UPF2: variants seen among roughly 807,000 people sequenced by gnomAD.
UPF2 encodes the protein UPF2 regulator of nonsense mediated mRNA decay, also known as regulator of nonsense transcripts 2.
UPF2 carries 17 observed loss-of-function variants against 141.4 expected under a neutral mutation model. The ratio of observed to expected loss-of-function variants is 0.12; its 90% CI spans 0.08 to 0.18. The LOEUF (loss-of-function observed/expected upper bound fraction) is 0.18. Ranked by LOEUF, UPF2 falls within the 10% of genes least tolerant of loss-of-function variation. The probability of loss-of-function intolerance (pLI) is 1.00; values close to 1 mark genes in which losing one functional copy is unlikely to be tolerated. For missense variants in UPF2, 1,152 were observed against 1,515.9 expected (o/e 0.76, Z 3.99); for synonymous variants, 540 against 498.0 (o/e 1.08, Z -1.12).
intron 9 of UPF2, among the ~76,000 whole-genome samples, chr10:11,971,673 A>G (rs1023142079): frequency 2.0e-5 from 3 of 152,376 alleles, no homozygotes; most frequent in African/African-American, 7.2e-5. Context: ...GATTTTACTT[A>G]TATAATCAAT....
chr10:12,004,466 C>A, intron 5 of UPF2, 64 bp downstream of exon 5: 1 of 1,298,992 alleles, frequency 7.7e-7, no homozygotes, highest in Non-Finnish European at 1.0e-6. Flanking sequence ...TTTTTTTTTA[C>A]AAATACTATT....
chr10:11,952,291 T>C, intron 14 of UPF2, 42 bp from the exon 15 acceptor site: 2 of 1,488,572 alleles, frequency 1.3e-6, no homozygotes, highest in Non-Finnish European at 1.8e-6. Flanking sequence ...AAGAAATTAG[T>C]AACAAAATAT....
chr10:11,947,326 A>G (rs1833013326), intron 16 of UPF2, among the ~76,000 whole-genome samples: 1 of 152,188 alleles, frequency 6.6e-6, no homozygotes, highest in South Asian at 2.1e-4. Flanking sequence ...ATAGATACAA[A>G]AAGGGTGTAT....
intron 3 of UPF2, among the ~76,000 whole-genome samples, chr10:12,026,933 G>T (rs529736122): frequency 6.6e-6 from 1 of 152,158 alleles, no homozygotes; most frequent in Admixed American, 6.5e-5. Context: ...GATTACAGGT[G>T]TGAGCCACCA....
At chr10:12,023,015 A>G (rs1238663892) in intron 3 of UPF2, among the ~76,000 whole-genome samples, 9 of 152,182 alleles carry the variant, frequency 5.9e-5, no homozygotes, top group Admixed American at 1.3e-4. Flanking sequence ...TCCACCAATT[A>G]GGGAGAAAAA....
At position 12,014,228 on chromosome 10, in the gene UPF2, G is replaced by A; in HGVS notation, c.1146-44C>T. The A allele has an allele frequency of 7.5e-7, 1 of 1,329,040 alleles. No individual in the cohort carries two copies. The highest frequency in any genetic ancestry group is 2.7e-5 in the South Asian group (1 of 37,562). 82.3% of individuals were successfully genotyped at this position (1,329,040 alleles called of 1,614,324 possible). A position where few individuals can be genotyped will look rare whatever the true frequency, so the allele number is the denominator to read the frequency against. ...ATCTGACAGTCTTATCAAAATAGATGTGATCACAAATTGTTATATATGGGA... is the reference window on the plus strand; with the variant it reads ...ATCTGACAGTCTTATCAAAATAGATATGATCACAAATTGTTATATATGGGA... On this transcript the variant is annotated intron_variant, in intron 3 of 21. Coordinates refer to ENST00000357604, the MANE Select transcript of UPF2 (RefSeq NM_015542.4). This position sits in a 1 kb window ranked among gnomAD's most constrained non-coding sequence, Gnocchi z 5.0.
intron 3 of UPF2, among the ~76,000 whole-genome samples, chr10:12,021,379 A>AAAAAAAAAAAAT (rs112914825): frequency 6.8e-6 from 1 of 147,148 alleles, no homozygotes; most frequent in African/African-American, 2.5e-5. Flanking sequence ...AAAAAAAAAA[A>AAAAAAAAAAAAT]TTTTTTTAAA....
chr10:11,946,318 T>C (rs943635806), intron 16 of UPF2, among the ~76,000 whole-genome samples: 1 of 152,242 alleles, frequency 6.6e-6, no homozygotes, highest in Non-Finnish European at 1.5e-5. Flanking sequence ...TAGAAAACTT[T>C]AATCACCTTA....
rs1832778942 is a variant in UPF2 at position 11,931,266 on chromosome 10, C to T, written c.3688+375G>A. Among the ~76,000 whole-genome samples, 1 of 152,160 alleles carries T rather than the reference C, an allele frequency of 6.6e-6. No individual in the cohort carries two copies. The highest frequency in any genetic ancestry group is 1.9e-4 in the East Asian group (1 of 5,200). On this transcript the variant is annotated intron_variant, in intron 20 of 21. Transcript: ENST00000357604. This position sits in a 1 kb window ranked among gnomAD's most constrained non-coding sequence, Gnocchi z 5.9. ...ACCATCTAGGTTTGTCAAGTACACT[C>T]TATGATGTTTGCACAATGATGAAAT...
At chr10:12,021,488 C>T (rs1186918961) in intron 3 of UPF2, among the ~76,000 whole-genome samples, 3 of 152,056 alleles carry the variant, frequency 2.0e-5, no homozygotes, top group Admixed American at 6.6e-5. Flanking sequence ...CACCATGACA[C>T]TCCAGCCTGG....
chr10:11,954,352 G>T (rs1241095027), intron 14 of UPF2, among the ~76,000 whole-genome samples: 1 of 151,804 alleles, frequency 6.6e-6, no homozygotes, highest in African/African-American at 2.4e-5. Flanking sequence ...AAAAAATTAG[G>T]CTGGGCACAG....
Position 11,979,895 on chromosome 10 carries a change from A to T in UPF2, c.1845-730T>A, listed in dbSNP as rs527333602. Among the ~76,000 whole-genome samples the T allele has an allele frequency of 4.6e-5, 7 of 152,324 alleles. No homozygotes were observed. In the South Asian group the frequency reaches 1.5e-3, roughly 32 times the overall value. The stretch of plus-strand genomic sequence containing the variant: ...ACTCCAGCCTGGGTGACAAAGCAAG[A>T]CTCCATCAAACGAATGAATGAATGA... On this transcript the variant is annotated intron_variant, in intron 8 of 21. Coordinates refer to ENST00000357604, the MANE Select transcript of UPF2 (RefSeq NM_015542.4). This position sits in a 1 kb window ranked among gnomAD's most constrained non-coding sequence, Gnocchi z 6.2.
At chr10:12,003,482 TGGCA>T (rs1245511448) in intron 5 of UPF2, among the ~76,000 whole-genome samples, 1 of 152,044 alleles carries the variant, frequency 6.6e-6, no homozygotes, top group African/African-American at 2.4e-5. Context: ...CTGAGAAGGA[TGGCA>T]AATTAAGGGT....
chr10:11,954,225 C>T (rs911738335), intron 14 of UPF2, among the ~76,000 whole-genome samples: 6 of 152,042 alleles, frequency 3.9e-5, no homozygotes, highest in Non-Finnish European at 8.8e-5. Flanking sequence ...TATATAATAA[C>T]CCAACATTAA....
At position 12,030,957 on chromosome 10, in the gene UPF2, G is replaced by A. The variant is rs536087353; in HGVS notation, c.366-1433C>T. On this transcript the variant is annotated intron_variant, in intron 2 of 21. Transcript: ENST00000357604. Reference sequence around the variant, plus strand: ...TGGGAGGCCGAGGCGGGTGGATCACGAGGTTAGGAGATCGAGACCATCTTG... The same window carrying A: ...TGGGAGGCCGAGGCGGGTGGATCACAAGGTTAGGAGATCGAGACCATCTTG... 5.3e-5 allele frequency among the ~76,000 whole-genome samples: 8 copies of A among 151,674 alleles called. No individual in the cohort carries two copies. In the East Asian group the frequency reaches 9.8e-4, roughly 19 times the overall value.
At chr10:11,974,520 TA>T (rs1426608978) in intron 9 of UPF2, among the ~76,000 whole-genome samples, 2 of 152,222 alleles carry the variant, frequency 1.3e-5, no homozygotes, top group Non-Finnish European at 2.9e-5. Flanking sequence ...GGGTTTGTCA[TA>T]AATAGCTCTT....
At chr10:11,938,799 G>C (rs77729167) in intron 18 of UPF2, among the ~76,000 whole-genome samples, 8,429 of 142,858 alleles carry the variant, frequency 0.059, 323 homozygotes, top group Non-Finnish European at 0.087. Context: ...TAAAACAGTT[G>C]AGAACAAACT....
rs60922532 is a variant in UPF2 at position 11,994,975 on chromosome 10, C to CAAA, written c.1844+2694_1844+2696dup. Among the ~76,000 whole-genome samples the CAAA allele has an allele frequency of 1.1e-3, 54 of 51,362 alleles. 2 individuals are homozygous for CAAA. Among genetic ancestry groups the CAAA allele is most frequent in the Middle Eastern group, 0.024 (1 of 42 alleles). 33.7% of individuals were successfully genotyped at this position (51,362 alleles called of 152,430 possible). ...TGGGCAACAGAGTGAGACTCCATCTCAAAAAAAAAAAAAAAAAAAAAAAAA... is the reference window on the plus strand; with the variant it reads ...TGGGCAACAGAGTGAGACTCCATCTCAAAAAAAAAAAAAAAAAAAAAAAAAAAA... On this transcript the variant is annotated intron_variant, in intron 8 of 21. Coordinates refer to ENST00000357604, the MANE Select transcript of UPF2 (RefSeq NM_015542.4).
At chr10:12,022,078 T>C (rs1377297175) in intron 3 of UPF2, among the ~76,000 whole-genome samples, 3 of 151,810 alleles carry the variant, frequency 2.0e-5, no homozygotes, top group Non-Finnish European at 4.4e-5. Flanking sequence ...AGGTGGAAGT[T>C]GCAGTGAGCC....
Sources: allele counts gnomAD v4.1 joint callset (sites outside exome capture counted in the v4.1 genomes callset), GRCh38; gene constraint gnomAD v4.1.1; non-coding constraint Gnocchi (gnomAD v3.1); transcripts MANE v1.5; gene names NCBI Gene and HGNC (gene_info 2026-07-23, HGNC 2026-07-21).